The following FBXO24 variants were observed in gnomAD, a reference collection of about 807,000 sequenced individuals.
FBXO24 encodes F-box protein 24.
FBXO24 carries 30 observed loss-of-function variants against 63.5 expected under a neutral mutation model. The observed-to-expected ratio is 0.47, with a 90% CI of 0.35 to 0.64. The LOEUF (loss-of-function observed/expected upper bound fraction) is 0.64, where lower values mean the gene tolerates loss of function less well. Ranked by LOEUF, FBXO24 falls within the 30% of genes least tolerant of loss-of-function variation. FBXO24 has a pLI of 0.00. For synonymous variants in FBXO24, 300 were observed against 305.0 expected, an observed-to-expected ratio of 0.98 and a Z score of 0.17; for missense variants, 624 against 763.4, an observed-to-expected ratio of 0.82 and a Z score of 2.15.
At chr7:100,587,463 C>G (rs929099701) in intron 1 of FBXO24, among the ~76,000 whole-genome samples, 1 of 150,332 alleles carries the variant, frequency 6.7e-6, no homozygotes, top group Non-Finnish European at 1.5e-5. Flanking sequence ...CCACCACACC[C>G]GGCTAATTTT....
chr7:100,597,147 A>G (rs1802349625), intron 8 of FBXO24, among the ~76,000 whole-genome samples: 1 of 152,090 alleles, frequency 6.6e-6, no homozygotes, highest in South Asian at 2.1e-4. Context: ...CTGAAAAGCA[A>G]CTCTGAGAAG....
Position 100,600,238 on chromosome 7 carries a change from G to A in FBXO24, c.1377+37G>A. ...GTCAGGAGAGTGGGCACCCAGGGAG[G>A]ATGAGAGCCATGAACCAGGAAGCCC... On this transcript the variant is annotated intron_variant, in intron 9 of 9. Coordinates refer to ENST00000241071, the MANE Select transcript of FBXO24 (RefSeq NM_033506.3). The surrounding 1 kb of genome is among the most constrained non-coding windows in gnomAD (Gnocchi z 6.3). 1 of 1,481,736 alleles carries A rather than the reference G, an allele frequency of 6.7e-7. No homozygotes were observed. The highest frequency in any genetic ancestry group is 1.4e-5 in the African/African-American group (1 of 71,134). The allele number at this position is 1,481,736 out of a possible 1,614,324, so 91.8% of individuals were successfully genotyped here.
intron 1 of FBXO24, among the ~76,000 whole-genome samples, chr7:100,588,038 A>G (rs1358535500): frequency 6.6e-6 from 1 of 151,510 alleles, no homozygotes; most frequent in East Asian, 2.0e-4. Context: ...ACGCACCACC[A>G]TGCCAGCTAA....
At chr7:100,589,199 G>A (rs192399621) in intron 1 of FBXO24, among the ~76,000 whole-genome samples, 4 of 152,194 alleles carry the variant, frequency 2.6e-5, no homozygotes, top group East Asian at 3.9e-4. Flanking sequence ...TGAGCTAAAC[G>A]ATTATTAGCA....
At chr7:100,588,351 G>A (rs1801850676) in intron 1 of FBXO24, among the ~76,000 whole-genome samples, 1 of 152,220 alleles carries the variant, frequency 6.6e-6, no homozygotes, top group South Asian at 2.1e-4. Context: ...GTGGTAGGTT[G>A]CCCAGAAATA....
intron 7 of FBXO24, 34 bp from the exon 8 acceptor site, chr7:100,595,541 G>A: frequency 6.5e-7 from 1 of 1,545,132 alleles, no homozygotes; most frequent in Non-Finnish European, 8.8e-7. Flanking sequence ...TGGAGGGAAT[G>A]GAATCCCTAT....
chr7:100,600,115 G>A lies in FBXO24; in HGVS notation c.1291G>A (p.Glu431Lys). The change falls in exon 9 of 10, where the codon GAG becomes AAG. Residue 431 changes from glutamate to lysine, a missense_variant. By Grantham distance (56) the Glu-to-Lys change is moderately conservative. Around this residue, in one of 3 missense-constraint regions of FBXO24, gnomAD observed 216 missense variants for 245.2 expected, o/e 0.88. Coordinates refer to ENST00000241071, the MANE Select transcript of FBXO24 (RefSeq NM_033506.3). The surrounding 1 kb of genome is among the most constrained non-coding windows in gnomAD (Gnocchi z 6.3). ...VLSQSSEFSK[E>K]LLGCGCGAGG... ...GAGCCAGAGCTCAGAGTTCAGCAAG[G>A]AGCTGCTGGGCTGCGGCTGTGGGGC... The A allele has an allele frequency of 6.2e-7, 1 of 1,607,284 alleles. No individual in the cohort carries two copies. Among genetic ancestry groups the A allele is most frequent in the Non-Finnish European group, 8.5e-7 (1 of 1,177,716 alleles).
intron 8 of FBXO24, among the ~76,000 whole-genome samples, chr7:100,596,129 A>AAT (rs1359805070): frequency 1.6e-4 from 25 of 152,168 alleles, no homozygotes; most frequent in Admixed American, 5.2e-4. Flanking sequence ...AATATAAAAA[A>AAT]TTAGCTGGCT....
At chr7:100,593,105 A>G in intron 5 of FBXO24, 88 bp downstream of exon 5, 1 of 1,078,420 alleles carries the variant, frequency 9.3e-7, no homozygotes, top group Non-Finnish European at 1.4e-6. Context: ...GGCCCCTCAG[A>G]CTGGGTTCCA....
At position 100,590,305 on chromosome 7, in the gene FBXO24, C is replaced by G. The variant is rs1801953528; in HGVS notation, c.270C>G (p.Leu90=). The G allele has an allele frequency of 6.2e-7, 1 of 1,614,142 alleles. No homozygotes were observed. Among genetic ancestry groups the G allele is most frequent in the East Asian group, 2.2e-5 (1 of 44,886 alleles). The stretch of plus-strand genomic sequence containing the variant: ...TCTGTCGCAGACTCAGTCCGCGCCT[C>G]CAAGATCAGGGTTCTGGAGTCCGGC... ...RRICRRLSPR[L]QDQGSGVRPW... is the part of the protein sequence containing the mutation. Residue 90 remains leucine, a synonymous_variant, in exon 3 of 10, where the codon CTC becomes CTG. Transcript: ENST00000241071.
In FBXO24 at chr7:100,599,876, G is replaced by T. The variant is rs1024188208; in HGVS notation, c.1207-155G>T. On this transcript the variant is annotated intron_variant, in intron 8 of 9. Transcript: ENST00000241071. ...CAGTTAGAGTATGGGGGCTGCAGGGGTCAGCAGGGCAGACCTGGGGCGTGG... is the reference window on the plus strand; with the variant it reads ...CAGTTAGAGTATGGGGGCTGCAGGGTTCAGCAGGGCAGACCTGGGGCGTGG... The T allele has an allele frequency of 5.2e-6, 4 of 773,642 alleles. No homozygotes were observed. The African/African-American group carries it at 5.2e-5, about 10-fold the overall frequency. The allele number at this position is 773,642 out of a possible 1,614,324, so 47.9% of individuals were successfully genotyped here.
chr7:100,586,410 G>A lies in FBXO24; in HGVS notation c.-216G>A, dbSNP rs1188929091. On this transcript the variant is annotated 5_prime_UTR_variant, in exon 1 of 10. Coordinates refer to ENST00000241071, the MANE Select transcript of FBXO24 (RefSeq NM_033506.3). ...ATCACAATGCTCAGATCGGGAGGTG[G>A]AGCCAATCAGGTCCAACCAAGAGGA... 4.7e-6 allele frequency: 3 copies of A among 638,568 alleles called. No individual in the cohort carries two copies. In the South Asian group the frequency reaches 5.7e-5, roughly 12 times the overall value. The allele number at this position is 638,568 out of a possible 1,614,324, so 39.6% of individuals were successfully genotyped here. A position where few individuals can be genotyped will look rare whatever the true frequency, so the allele number is the denominator to read the frequency against.
Position 100,600,760 on chromosome 7 carries a change from G to A in FBXO24, c.1604G>A (p.Arg535His), listed in dbSNP as rs778209255. The stretch of plus-strand genomic sequence containing the variant: ...CACAGTTGCCAAACGTTGCAGGACC[G>A]CACGGAGAAGATGAAGGAGATCGTA... ...QIHSCQTLQD[R>H]TEKMKEIVGW... The change falls in exon 10 of 10, where the codon CGC (arginine) becomes CAC (histidine). Residue 535 changes from arginine (R) to histidine (H), a missense_variant. Around this residue, in one of 3 missense-constraint regions of FBXO24, gnomAD observed 216 missense variants for 245.2 expected, o/e 0.88. Coordinates refer to ENST00000241071, the MANE Select transcript of FBXO24 (RefSeq NM_033506.3). The surrounding 1 kb of genome is among the most constrained non-coding windows in gnomAD (Gnocchi z 6.3). The A allele has an allele frequency of 8.1e-6, 13 of 1,614,050 alleles. No individual in the cohort carries two copies. The highest frequency in any genetic ancestry group is 3.3e-5 in the Admixed American group (2 of 60,006).
rs769015846 is a variant in FBXO24 at position 100,590,064 on chromosome 7, C to A, written c.127C>A (p.Pro43Thr). 1.2e-6 allele frequency: 2 copies of A among 1,613,102 alleles called. No homozygotes were observed. Among genetic ancestry groups the A allele is most frequent in the Non-Finnish European group, 1.7e-6 (2 of 1,179,548 alleles). Residue 43 changes from proline to threonine, a missense_variant, in exon 2 of 10, where the codon CCC becomes ACC. Physicochemically the swap from Pro to Thr is conservative, Grantham distance 38. Transcript: ENST00000241071. Reference sequence around the variant, plus strand: ...AAATCCGATTTCCATCCAGTTGTTCCCCCCAGAGCTGGTGAGTCCTTGGGG... The same window carrying A: ...AAATCCGATTTCCATCCAGTTGTTCACCCCAGAGCTGGTGAGTCCTTGGGG... The part of the protein sequence containing the change: ...KGNPISIQLF[P>T]PELVEHIISF...
In FBXO24 at chr7:100,591,889, G is replaced by T. The variant is rs747841487; in HGVS notation, c.545G>T (p.Arg182Leu). Residue 182 changes from arginine to leucine, a missense_variant, in exon 4 of 10, where the codon CGT becomes CTT. Transcript: ENST00000241071. ...GCCTGTCGCTATGTTGTGTTGTGTC[G>T]TGGAGCCAAGGATGTGAGTAGCAGA... ...KRACRYVVLC[R>L]GAKDFASDPR... is the part of the protein sequence containing the mutation. 6.2e-7 allele frequency: 1 copy of T among 1,614,164 alleles called. No homozygotes were observed. The highest frequency in any genetic ancestry group is 8.5e-7 in the Non-Finnish European group (1 of 1,180,018).
chr7:100,587,878 G>A (rs1301106693), intron 1 of FBXO24, among the ~76,000 whole-genome samples: 18 of 151,826 alleles, frequency 1.2e-4, no homozygotes, highest in South Asian at 2.1e-4. Context: ...GATCACAGGC[G>A]TGAGCCACCG....
chr7:100,594,821 G>T lies in FBXO24; in HGVS notation c.952+280G>T, dbSNP rs61709787. 0.025 allele frequency among the ~76,000 whole-genome samples: 3,878 copies of T among 152,222 alleles called. 180 individuals are homozygous for T. The highest frequency in any genetic ancestry group is 0.09 in the African/African-American group (3,717 of 41,500). Reference sequence around the variant, plus strand: ...AAAAATTAGCTGGGTGTGATGGCAGGCGCCTGTAATCCCAGCTACACCAGA... The same window carrying T: ...AAAAATTAGCTGGGTGTGATGGCAGTCGCCTGTAATCCCAGCTACACCAGA... On this transcript the variant is annotated intron_variant, in intron 6 of 9. Coordinates refer to ENST00000241071, the MANE Select transcript of FBXO24 (RefSeq NM_033506.3). The surrounding 1 kb of genome is among the most constrained non-coding windows in gnomAD (Gnocchi z 4.2).
At position 100,592,766 on chromosome 7, in the gene FBXO24, C is replaced by A; in HGVS notation, c.559-17C>A. ...TTTGAAACTCTAGATCCCAGACGCC[C>A]TCATCTTTTCCCCCAGTTTGCCTCG... is the stretch of plus-strand genomic sequence containing the variant. On this transcript the variant is annotated splice_polypyrimidine_tract_variant and intron_variant, in intron 4 of 9. Transcript: ENST00000241071. 1.2e-6 allele frequency: 2 copies of A among 1,607,320 alleles called. No homozygotes were observed. The highest frequency in any genetic ancestry group is 2.2e-5 in the East Asian group (1 of 44,790).
In FBXO24 at chr7:100,600,748, C is replaced by T. The variant is rs371902452; in HGVS notation, c.1592C>T (p.Thr531Met). The change falls in exon 10 of 10, where the codon ACG (threonine) becomes ATG (methionine). Residue 531 changes from threonine (T) to methionine (M), a missense_variant. By Grantham distance (81) the Thr-to-Met change is moderately conservative. Coordinates refer to ENST00000241071, the MANE Select transcript of FBXO24 (RefSeq NM_033506.3). This position sits in a 1 kb window ranked among gnomAD's most constrained non-coding sequence, Gnocchi z 6.3. ...EYLSQIHSCQ[T>M]LQDRTEKMKE... is the part of the protein sequence containing the mutation. ...CTCAGCCAGATCCACAGTTGCCAAA[C>T]GTTGCAGGACCGCACGGAGAAGATG... 11 of 1,614,052 alleles carry T rather than the reference C, an allele frequency of 6.8e-6. No homozygotes were observed. The South Asian group carries it at 8.8e-5, about 13-fold the overall frequency.
Sources: allele counts gnomAD v4.1 joint callset (sites outside exome capture counted in the v4.1 genomes callset), GRCh38; gene constraint gnomAD v4.1.1; regional missense constraint gnomAD v4.1.1; non-coding constraint Gnocchi (gnomAD v3.1); transcripts MANE v1.5; gene names NCBI Gene and HGNC (gene_info 2026-07-23, HGNC 2026-07-21).